ANGPT2: variants seen among roughly 807,000 people sequenced by gnomAD.
ANGPT2 encodes the protein angiopoietin 2.
Under a neutral mutation model 62.9 loss-of-function variants are expected in ANGPT2, and 28 were observed. That is an observed-to-expected ratio of 0.44 (90% CI 0.33 to 0.61). ANGPT2 has a LOEUF of 0.61. Among genes scored for constraint, ANGPT2 ranks in the 20% least tolerant of loss-of-function variants. The probability of loss-of-function intolerance (pLI) is 0.03; values close to 1 mark genes in which losing one functional copy is unlikely to be tolerated. For missense variants in ANGPT2, 727 were observed against 594.9 expected (o/e 1.22, Z -2.31); for synonymous variants, 284 against 207.8 (o/e 1.37, Z -3.15).
chr8:6,518,919 T>A (rs1816801302), intron 5 of ANGPT2, among the ~76,000 whole-genome samples: 1 of 152,140 alleles, frequency 6.6e-6, no homozygotes, highest in Non-Finnish European at 1.5e-5. Context: ...GGGTTTTTTT[T>A]TTTCCTTATC....
chr8:6,546,159 T>C, intron 1 of ANGPT2, among the ~76,000 whole-genome samples: 1 of 152,208 alleles, frequency 6.6e-6, no homozygotes, highest in Non-Finnish European at 1.5e-5. Flanking sequence ...GTGTGAAAAT[T>C]AAGTGGAATG....
intron 3 of ANGPT2, among the ~76,000 whole-genome samples, chr8:6,526,453 A>G (rs1818359905): frequency 6.6e-6 from 1 of 152,024 alleles, no homozygotes; most frequent in African/African-American, 2.4e-5. Context: ...AACACAGAAA[A>G]GAAAATGAAA....
At chr8:6,549,842 A>T (rs543571485) in intron 1 of ANGPT2, among the ~76,000 whole-genome samples, 9 of 152,360 alleles carry the variant, frequency 5.9e-5, no homozygotes, top group African/African-American at 2.2e-4. Flanking sequence ...TGTACACTCA[A>T]GATTTGTGAA....
chr8:6,535,040 C>A (rs1359989377), intron 1 of ANGPT2, among the ~76,000 whole-genome samples: 1 of 152,184 alleles, frequency 6.6e-6, no homozygotes, highest in African/African-American at 2.4e-5. Context: ...AGGCTTGGAA[C>A]TATAGAGATA....
chr8:6,542,598 T>G (rs775436150), intron 1 of ANGPT2, among the ~76,000 whole-genome samples: 1 of 99,454 alleles, frequency 1.0e-5, no homozygotes, highest in East Asian at 2.9e-4. Flanking sequence ...TATTCTTATC[T>G]TAAAAAAAAA....
intron 1 of ANGPT2, among the ~76,000 whole-genome samples, chr8:6,545,686 G>C (rs1198827602): frequency 6.6e-6 from 1 of 152,170 alleles, no homozygotes; most frequent in East Asian, 1.9e-4. Flanking sequence ...GTTCCCATTA[G>C]TCTAAAAATA....
intron 8 of ANGPT2, among the ~76,000 whole-genome samples, chr8:6,504,109 G>C (rs962159362): frequency 6.6e-6 from 1 of 152,076 alleles, no homozygotes; most frequent in African/African-American, 2.4e-5. Flanking sequence ...ACGAGATCAG[G>C]AGACCGAGAC....
chr8:6,531,499 C>T (rs1269878003), intron 2 of ANGPT2, among the ~76,000 whole-genome samples: 3 of 152,072 alleles, frequency 2.0e-5, no homozygotes, highest in African/African-American at 7.2e-5. Flanking sequence ...GCCATGTTGG[C>T]CAGGCTGGTC....
In ANGPT2 at chr8:6,509,079, A is replaced by T. The variant is rs768835261; in HGVS notation, c.1197-17T>A. 4.3e-6 allele frequency: 7 copies of T among 1,609,508 alleles called. No homozygotes were observed. The highest frequency in any genetic ancestry group is 3.3e-5 in the South Asian group (3 of 90,478). ...AGGTGAATCCTGTAAGCGTGCAAAG[A>T]AAAAAAACACATTGGCTAGGGTCAT... On this transcript the variant is annotated splice_polypyrimidine_tract_variant and intron_variant, in intron 7 of 8. Coordinates refer to ENST00000629816, the MANE Select transcript of ANGPT2 (RefSeq NM_001118887.2).
intron 7 of ANGPT2, among the ~76,000 whole-genome samples, chr8:6,510,786 G>A (rs1401828971): frequency 6.6e-6 from 1 of 152,200 alleles, no homozygotes; most frequent in East Asian, 1.9e-4. Flanking sequence ...CATGTGATGT[G>A]GAGTTCTGTA....
chr8:6,556,619 AT>A (rs149416791), intron 1 of ANGPT2, among the ~76,000 whole-genome samples: 19,990 of 149,800 alleles, frequency 0.13, 3,643 homozygotes, highest in African/African-American at 0.42. Context: ...GTCTTTTTTT[AT>A]TTTTTTTTCA....
intron 8 of ANGPT2, among the ~76,000 whole-genome samples, chr8:6,504,045 G>T (rs1465269755): frequency 6.6e-6 from 1 of 152,174 alleles, no homozygotes; most frequent in Non-Finnish European, 1.5e-5. Flanking sequence ...GGGGCCGGGC[G>T]CAGTGGCTCA....
rs1195835687 is a variant in ANGPT2 at position 6,502,732 on chromosome 8, G to A, written c.*369C>T. On this transcript the variant is annotated 3_prime_UTR_variant, in exon 9 of 9. Transcript: ENST00000629816. Reference sequence around the variant, plus strand: ...GCTCAGAAGAATGCAGTTCCAAGATGATCTGTATTGTATAACATAAGTGTT... The same window carrying A: ...GCTCAGAAGAATGCAGTTCCAAGATAATCTGTATTGTATAACATAAGTGTT... The A allele has an allele frequency of 8.7e-6, 2 of 230,552 alleles. No homozygotes were observed. Among genetic ancestry groups the A allele is most frequent in the Non-Finnish European group, 1.7e-5 (2 of 117,680 alleles). The allele number at this position is 230,552 out of a possible 1,614,324, so 14.3% of individuals were successfully genotyped here. A position where few individuals can be genotyped will look rare whatever the true frequency, so the allele number is the denominator to read the frequency against.
intron 1 of ANGPT2, among the ~76,000 whole-genome samples, chr8:6,558,957 C>T (rs957687770): frequency 1.3e-5 from 2 of 151,926 alleles, no homozygotes; most frequent in Admixed American, 6.6e-5. Context: ...AAATATGTTG[C>T]AGTTCCCCTA....
intron 5 of ANGPT2, among the ~76,000 whole-genome samples, chr8:6,515,804 A>C (rs546663202): frequency 2.0e-4 from 30 of 152,328 alleles, no homozygotes; most frequent in Admixed American, 9.1e-4. Flanking sequence ...AGAATAATGG[A>C]GGCGATTTGG....
chr8:6,536,121 A>G (rs1820443599), intron 1 of ANGPT2, among the ~76,000 whole-genome samples: 1 of 152,192 alleles, frequency 6.6e-6, no homozygotes, highest in Non-Finnish European at 1.5e-5. Context: ...AAGTCATTAA[A>G]TTAAGGTTTT....
intron 3 of ANGPT2, among the ~76,000 whole-genome samples, chr8:6,521,889 G>C (rs1167842441): frequency 1.3e-5 from 2 of 152,148 alleles, no homozygotes; most frequent in African/African-American, 4.8e-5. Context: ...TGCTATGTGA[G>C]AAATACTCCT....
chr8:6,509,662 C>T (rs549536548), intron 7 of ANGPT2, among the ~76,000 whole-genome samples: 1 of 152,200 alleles, frequency 6.6e-6, no homozygotes, highest in Non-Finnish European at 1.5e-5. Flanking sequence ...ATTTACAATA[C>T]AGACGATCCC....
At chr8:6,535,125 A>T (rs1490503533) in intron 1 of ANGPT2, among the ~76,000 whole-genome samples, 1 of 152,224 alleles carries the variant, frequency 6.6e-6, no homozygotes, top group Non-Finnish European at 1.5e-5. Flanking sequence ...AAAAAGTCTT[A>T]ACCTCCTTCT....
Sources: gnomAD v4.1 joint callset for allele counts (sites outside exome capture counted in the v4.1 genomes callset) on GRCh38, gnomAD v4.1.1 for gene constraint, MANE v1.5 for transcripts, NCBI Gene and HGNC (gene_info 2026-07-23, HGNC 2026-07-21) for gene names.